The following NUP153 variants were observed in gnomAD, a reference collection of about 807,000 sequenced individuals.
The protein encoded by NUP153 is nucleoporin 153.
A neutral mutation model predicts 134.6 loss-of-function variants in NUP153; 27 were observed. That is an observed-to-expected ratio of 0.20 (90% CI 0.15 to 0.28). The LOEUF is 0.28. Among genes scored for constraint, NUP153 ranks in the 10% least tolerant of loss-of-function variants. The pLI, the probability that NUP153 is intolerant of heterozygous loss-of-function variation, is 1.00. For synonymous variants in NUP153, 640 were observed against 623.5 expected (o/e 1.03, Z -0.40); for missense variants, 1,821 against 1,731.3 (o/e 1.05, Z -0.92).
chr6:17,622,275 C>A (rs934617643), intron 20 of NUP153, among the ~76,000 whole-genome samples: 5 of 152,220 alleles, frequency 3.3e-5, no homozygotes, highest in Admixed American at 2.6e-4. Context: ...CATGGCAAAA[C>A]CCTGTCTCTA....
At chr6:17,618,679 CCT>C (rs1764472137) in intron 20 of NUP153, among the ~76,000 whole-genome samples, 1 of 151,828 alleles carries the variant, frequency 6.6e-6, no homozygotes, top group East Asian at 1.9e-4. Context: ...CATTCTCCTG[CCT>C]CAGTCTCCTG....
chr6:17,706,210 G>T lies in NUP153; in HGVS notation c.111+67C>A. 1 of 1,347,326 alleles carries T rather than the reference G, an allele frequency of 7.4e-7. No individual in the cohort carries two copies. 83.5% of individuals were successfully genotyped at this position (1,347,326 alleles called of 1,614,324 possible). On this transcript the variant is annotated intron_variant, in intron 1 of 21. Transcript: ENST00000262077. The surrounding 1 kb of genome is among the most constrained non-coding windows in gnomAD (Gnocchi z 5.9). ...GCTCCACGTGGGGCGCCGGGGCCTC[G>T]AACCGCCCGTCCCCTCCAGCCGAGT...
chr6:17,642,428 A>G (rs1310947349), intron 14 of NUP153, among the ~76,000 whole-genome samples: 1 of 152,236 alleles, frequency 6.6e-6, no homozygotes, highest in African/African-American at 2.4e-5. Context: ...TCCCTAAGAT[A>G]TTTAAATGGA....
At chr6:17,618,261 T>C (rs1052166045) in intron 20 of NUP153, among the ~76,000 whole-genome samples, 3 of 152,190 alleles carry the variant, frequency 2.0e-5, no homozygotes, top group Non-Finnish European at 2.9e-5. Context: ...AGAAAGGATT[T>C]AAGTGGTATT....
At chr6:17,657,837 T>C (rs549956853) in intron 11 of NUP153, among the ~76,000 whole-genome samples, 12 of 152,376 alleles carry the variant, frequency 7.9e-5, no homozygotes, top group South Asian at 6.2e-4. Flanking sequence ...CACTTGATAA[T>C]TGGAATACAT....
At chr6:17,689,937 ATAT>A (rs904692581) in intron 1 of NUP153, among the ~76,000 whole-genome samples, 1 of 152,190 alleles carries the variant, frequency 6.6e-6, no homozygotes, top group Non-Finnish European at 1.5e-5. Flanking sequence ...CAATTTATAC[ATAT>A]TATTTAGTTT....
At chr6:17,643,436 C>T (rs933784334) in intron 14 of NUP153, among the ~76,000 whole-genome samples, 13 of 152,212 alleles carry the variant, frequency 8.5e-5, no homozygotes, top group African/African-American at 3.1e-4. Flanking sequence ...TGTGCAACTG[C>T]ACTCCAGCCT....
intron 14 of NUP153, 84 bp from the exon 15 acceptor site, chr6:17,640,148 T>A (rs1561866968): frequency 1.9e-6 from 2 of 1,032,476 alleles, no homozygotes; most frequent in Admixed American, 3.2e-5. Context: ...TTCAAAACCA[T>A]CTTTTGGATT....
At chr6:17,620,751 A>G (rs907393410) in intron 20 of NUP153, among the ~76,000 whole-genome samples, 7 of 152,178 alleles carry the variant, frequency 4.6e-5, no homozygotes, top group Admixed American at 2.6e-4. Flanking sequence ...GCCGAAGACA[A>G]TAATTCTTCC....
intron 13 of NUP153, 74 bp from the exon 14 acceptor site, chr6:17,646,228 G>C (rs1378054944): frequency 2.6e-6 from 2 of 759,942 alleles, no homozygotes; most frequent in Non-Finnish European, 4.4e-6. Context: ...ATTCCCCCGA[G>C]ACGGAGTCTT....
At chr6:17,691,125 G>C (rs1423690592) in intron 1 of NUP153, among the ~76,000 whole-genome samples, 1 of 151,696 alleles carries the variant, frequency 6.6e-6, no homozygotes, top group Non-Finnish European at 1.5e-5. Flanking sequence ...CTGGGCAACA[G>C]AGCAAAAGCG....
At position 17,615,920 on chromosome 6, in the gene NUP153, A is replaced by G. The variant is rs1388046773; in HGVS notation, c.*177T>C. 1 of 519,606 alleles carries G rather than the reference A, an allele frequency of 1.9e-6. No individual in the cohort carries two copies. The highest frequency in any genetic ancestry group is 3.1e-5 in the East Asian group (1 of 32,608). The allele number at this position is 519,606 out of a possible 1,614,324, so 32.2% of individuals were successfully genotyped here. A position where few individuals can be genotyped will look rare whatever the true frequency, so the allele number is the denominator to read the frequency against. ...AGTCTAGCTATTTATTTATTTAAAA[A>G]AGGGTGGGTGAGGCAGGGTGGGGCT... is the stretch of plus-strand genomic sequence containing the variant. On this transcript the variant is annotated 3_prime_UTR_variant, in exon 22 of 22. Transcript: ENST00000262077. This position sits in a 1 kb window ranked among gnomAD's most constrained non-coding sequence, Gnocchi z 5.7.
intron 8 of NUP153, 51 bp downstream of exon 8, chr6:17,668,924 C>T: frequency 7.9e-7 from 1 of 1,265,774 alleles, no homozygotes; most frequent in Non-Finnish European, 1.1e-6. Context: ...GAACTTTAAA[C>T]ACAACAAAAT....
chr6:17,702,847 G>C (rs1770207339), intron 1 of NUP153, among the ~76,000 whole-genome samples: 1 of 152,140 alleles, frequency 6.6e-6, no homozygotes, highest in South Asian at 2.1e-4. Context: ...TAACTCTTCA[G>C]TTATTTGAGC....
chr6:17,706,469 C>T lies in NUP153; in HGVS notation c.-82G>A. The T allele has an allele frequency of 9.2e-7, 1 of 1,081,698 alleles. No homozygotes were observed. The highest frequency in any genetic ancestry group is 1.3e-6 in the Non-Finnish European group (1 of 751,314). The allele number at this position is 1,081,698 out of a possible 1,614,324, so 67.0% of individuals were successfully genotyped here. A position where few individuals can be genotyped will look rare whatever the true frequency, so the allele number is the denominator to read the frequency against. On this transcript the variant is annotated 5_prime_UTR_variant, in exon 1 of 22. Transcript: ENST00000262077. The surrounding 1 kb of genome is among the most constrained non-coding windows in gnomAD (Gnocchi z 5.9). ...GGCGGAGGCCTTAGAGAGCCTCCCCCGCCGCCCGGCCCCGGCCCAAAAGTC... is the reference window on the plus strand; with the variant it reads ...GGCGGAGGCCTTAGAGAGCCTCCCCTGCCGCCCGGCCCCGGCCCAAAAGTC...
chr6:17,673,048 C>T (rs1297527589), intron 5 of NUP153, among the ~76,000 whole-genome samples: 1 of 151,954 alleles, frequency 6.6e-6, no homozygotes, highest in Non-Finnish European at 1.5e-5. Flanking sequence ...CACACACGCA[C>T]ACACACACAC....
chr6:17,663,065 G>A (rs994429165), intron 9 of NUP153, among the ~76,000 whole-genome samples: 3 of 152,086 alleles, frequency 2.0e-5, no homozygotes, highest in Non-Finnish European at 4.4e-5. Context: ...ACAGTGTTGT[G>A]CCAATGTTAA....
chr6:17,701,660 C>CAAA (rs60645337), intron 1 of NUP153, among the ~76,000 whole-genome samples: 1 of 133,294 alleles, frequency 7.5e-6, no homozygotes. Context: ...GACTCCATCT[C>CAAA]AAAAAAAAAA....
At chr6:17,701,517 C>T (rs995392707) in intron 1 of NUP153, among the ~76,000 whole-genome samples, 1 of 151,738 alleles carries the variant, frequency 6.6e-6, no homozygotes, top group African/African-American at 2.4e-5. Context: ...CAAAAATTAG[C>T]TGGGCGTGGT....
Sources: gnomAD v4.1 joint callset for allele counts (sites outside exome capture counted in the v4.1 genomes callset) on GRCh38, gnomAD v4.1.1 for gene constraint, Gnocchi (gnomAD v3.1) non-coding constraint, MANE v1.5 for transcripts, NCBI Gene and HGNC (gene_info 2026-07-23, HGNC 2026-07-21) for gene names.